GPR149: variants seen among roughly 807,000 people sequenced by gnomAD.
GPR149 encodes probable G protein-coupled receptor 149.
In GPR149, 50 loss-of-function variants were observed where a neutral mutation model predicts 50.2. That is an observed-to-expected ratio of 1.00 (90% CI 0.79 to 1.26). GPR149 has a LOEUF of 1.26. Among genes scored for constraint, GPR149 ranks in the 50% most tolerant of loss-of-function variants. The pLI is 0.00. For synonymous variants in GPR149, 405 were observed against 358.2 expected (o/e 1.13, Z -1.48); for missense variants, 983 against 895.4 (o/e 1.10, Z -1.25).
At chr3:154,341,292 C>CTAT (rs1713787773) in intron 3 of GPR149, among the ~76,000 whole-genome samples, 1 of 72,938 alleles carries the variant, frequency 1.4e-5, no homozygotes, top group African/African-American at 5.4e-5. Flanking sequence ...AAAAATAAGA[C>CTAT]ATATATATAT....
At position 154,427,772 on chromosome 3, in the gene GPR149, C is replaced by T. The variant is rs79724315; in HGVS notation, c.982-64G>A. On this transcript the variant is annotated intron_variant, in intron 1 of 3. Coordinates refer to ENST00000389740, the MANE Select transcript of GPR149 (RefSeq NM_001038705.3). ...ATACTTTGTACTTCTCAAGCCTTTT[C>T]TCCACGCACGCTGCCTCAGTTCCCT... 2,483 of 1,431,966 alleles carry T rather than the reference C, an allele frequency of 1.7e-3. 35 individuals carry two copies. The African/African-American group carries it at 0.031, about 18-fold the overall frequency. The allele number at this position is 1,431,966 out of a possible 1,614,324, so 88.7% of individuals were successfully genotyped here.
At chr3:154,425,022 T>A (rs77169111) in intron 2 of GPR149, among the ~76,000 whole-genome samples, 2,949 of 152,018 alleles carry the variant, frequency 0.019, 103 homozygotes, top group African/African-American at 0.068. Flanking sequence ...CTGAGACCTC[T>A]ATGTTAAAAT....
intron 3 of GPR149, among the ~76,000 whole-genome samples, chr3:154,375,676 TGACTG>T (rs1410668398): frequency 1.3e-5 from 2 of 152,188 alleles, no homozygotes; most frequent in Admixed American, 6.5e-5. Flanking sequence ...TATGTCAACT[TGACTG>T]GACTAAGGGA....
intron 3 of GPR149, among the ~76,000 whole-genome samples, chr3:154,366,344 T>C (rs1218760929): frequency 1.3e-5 from 2 of 152,304 alleles, no homozygotes; most frequent in East Asian, 3.9e-4. Flanking sequence ...TAGCAGACCC[T>C]GAAGGAAATC....
chr3:154,348,298 A>G (rs1284362250), intron 3 of GPR149, among the ~76,000 whole-genome samples: 1 of 152,232 alleles, frequency 6.6e-6, no homozygotes, highest in Non-Finnish European at 1.5e-5. Flanking sequence ...AAATAAACCA[A>G]TTAAAAGCCA....
chr3:154,363,566 CA>C (rs145447240), intron 3 of GPR149, among the ~76,000 whole-genome samples: 3,675 of 152,190 alleles, frequency 0.024, 159 homozygotes, highest in African/African-American at 0.083. Flanking sequence ...CTGATAGTGA[CA>C]GGAAACAGAC....
At chr3:154,398,077 A>G (rs1279070654) in intron 3 of GPR149, among the ~76,000 whole-genome samples, 4 of 152,152 alleles carry the variant, frequency 2.6e-5, no homozygotes, top group Non-Finnish European at 5.9e-5. Flanking sequence ...GCTTATATAT[A>G]TACACACTTA....
chr3:154,357,647 C>T (rs924430040), intron 3 of GPR149, among the ~76,000 whole-genome samples: 2 of 152,140 alleles, frequency 1.3e-5, no homozygotes, highest in African/African-American at 4.8e-5. Context: ...ACAACAGGTG[C>T]TAGAGAGGAT....
At chr3:154,406,093 C>G (rs1711678278) in intron 3 of GPR149, among the ~76,000 whole-genome samples, 1 of 151,626 alleles carries the variant, frequency 6.6e-6, no homozygotes, top group Admixed American at 6.6e-5. Context: ...AAAGAAATCT[C>G]TATAAAAATT....
intron 3 of GPR149, chr3:154,353,529 T>G: frequency 1.1e-6 from 1 of 919,522 alleles, no homozygotes; most frequent in South Asian, 1.3e-5. Context: ...ATCTTTGATA[T>G]GACCAGGGGT....
At chr3:154,428,515 T>C (rs1712372122) in intron 1 of GPR149, 120 bp downstream of exon 1, 2 of 1,135,986 alleles carry the variant, frequency 1.8e-6, no homozygotes, top group Non-Finnish European at 2.5e-6. Flanking sequence ...CGAGATACAC[T>C]TGGAAGCGGA....
At chr3:154,420,291 A>G (rs1398772308) in intron 3 of GPR149, among the ~76,000 whole-genome samples, 5 of 152,040 alleles carry the variant, frequency 3.3e-5, no homozygotes, top group Non-Finnish European at 7.4e-5. Flanking sequence ...TGATTATCAC[A>G]TATGAGAGCT....
At chr3:154,346,375 G>T (rs766839403) in intron 3 of GPR149, among the ~76,000 whole-genome samples, 1 of 151,970 alleles carries the variant, frequency 6.6e-6, no homozygotes, top group Non-Finnish European at 1.5e-5. Flanking sequence ...TATTCAACTC[G>T]CAGAATATAC....
At chr3:154,344,821 T>C (rs897446573) in intron 3 of GPR149, among the ~76,000 whole-genome samples, 1 of 152,232 alleles carries the variant, frequency 6.6e-6, no homozygotes. Context: ...TTCAGACTTC[T>C]GGTTTCTAGA....
At chr3:154,351,702 TC>T (rs1455569772) in intron 3 of GPR149, among the ~76,000 whole-genome samples, 2 of 152,126 alleles carry the variant, frequency 1.3e-5, no homozygotes, top group Non-Finnish European at 2.9e-5. Flanking sequence ...TCTGTTTGGC[TC>T]CTTACAGTCC....
intron 3 of GPR149, among the ~76,000 whole-genome samples, chr3:154,402,776 G>C (rs1711578486): frequency 6.6e-6 from 1 of 152,056 alleles, no homozygotes; most frequent in Non-Finnish European, 1.5e-5. Context: ...CTAATTGTTT[G>C]AAAATCTTCT....
intron 3 of GPR149, among the ~76,000 whole-genome samples, chr3:154,416,742 A>G (rs1448399459): frequency 6.6e-6 from 1 of 151,788 alleles, no homozygotes; most frequent in Non-Finnish European, 1.5e-5. Context: ...CTTTAAGCTA[A>G]GTGGTTATGT....
intron 3 of GPR149, among the ~76,000 whole-genome samples, chr3:154,350,518 C>T (rs1402392169): frequency 2.6e-5 from 4 of 152,116 alleles, no homozygotes; most frequent in African/African-American, 9.7e-5. Flanking sequence ...CTGGAAACTA[C>T]ATGACACTTT....
At chr3:154,365,265 C>T (rs927175396) in intron 3 of GPR149, among the ~76,000 whole-genome samples, 3 of 152,170 alleles carry the variant, frequency 2.0e-5, no homozygotes, top group African/African-American at 4.8e-5. Context: ...GCAGCAAACC[C>T]CAAGGTTCCA....
Sources: gnomAD v4.1 joint callset for allele counts (sites outside exome capture counted in the v4.1 genomes callset) on GRCh38, gnomAD v4.1.1 for gene constraint, MANE v1.5 for transcripts, NCBI Gene and HGNC (gene_info 2026-07-23, HGNC 2026-07-21) for gene names.